MARCO: variants seen among roughly 807,000 people sequenced by gnomAD.
The protein encoded by MARCO is macrophage receptor MARCO.
Under a neutral mutation model 70.0 loss-of-function variants are expected in MARCO, and 72 were observed. The observed-to-expected ratio is 1.03, with a 90% CI of 0.85 to 1.25. The LOEUF is 1.25. Among genes scored for constraint, MARCO ranks in the 50% most tolerant of loss-of-function variants. The pLI, the probability that MARCO is intolerant of heterozygous loss-of-function variation, is 0.00. For synonymous variants in MARCO, 273 were observed against 243.1 expected, an observed-to-expected ratio of 1.12 and a Z score of -1.14; for missense variants, 696 against 659.3, an observed-to-expected ratio of 1.06 and a Z score of -0.61.
chr2:118,989,813 G>A (rs1443482926), intron 12 of MARCO, among the ~76,000 whole-genome samples: 1 of 152,226 alleles, frequency 6.6e-6, no homozygotes, highest in East Asian at 1.9e-4. Context: ...TCCCAAGTTT[G>A]TGTAACTGCC....
intron 1 of MARCO, among the ~76,000 whole-genome samples, chr2:118,946,960 C>G (rs938277349): frequency 5.9e-5 from 9 of 152,126 alleles, no homozygotes; most frequent in Non-Finnish European, 1.3e-4. Flanking sequence ...TATGTATAGC[C>G]TCTTCAGTGA....
rs375472019 is a variant in MARCO at position 118,994,338 on chromosome 2, A to G, written c.1430-49A>G. 22 of 1,611,178 alleles carry G rather than the reference A, an allele frequency of 1.4e-5. No individual in the cohort carries two copies. The African/African-American group carries it at 2.9e-4, about 22-fold the overall frequency. ...GCGCACACGTGGCTTCTTTGCTTTG[A>G]CTCTAATCCTACCCTTCTTCCTCTG... On this transcript the variant is annotated intron_variant, in intron 16 of 16. Transcript: ENST00000327097.
At chr2:118,990,687 C>A (rs1240756534) in intron 13 of MARCO, 54 bp downstream of exon 13, 7 of 1,560,506 alleles carry the variant, frequency 4.5e-6, no homozygotes, top group Non-Finnish European at 6.2e-6. Flanking sequence ...GAAGGCCTGC[C>A]TTCTCAGAGG....
intron 14 of MARCO, 92 bp downstream of exon 14, chr2:118,991,967 T>A: frequency 1.1e-6 from 1 of 925,120 alleles, no homozygotes; most frequent in South Asian, 1.6e-5. Context: ...GTTTTAAGAG[T>A]TCTGGGGATT....
At chr2:118,986,667 AG>A (rs1680504914) in intron 12 of MARCO, among the ~76,000 whole-genome samples, 1 of 55,196 alleles carries the variant, frequency 1.8e-5, no homozygotes, top group African/African-American at 1.1e-4. Flanking sequence ...GAAGGAAGGA[AG>A]GAAGGAAAGA....
chr2:118,994,649 A>C lies in MARCO; in HGVS notation c.*129A>C. The C allele has an allele frequency of 4.0e-4, 344 of 862,518 alleles. No homozygotes were observed. Among genetic ancestry groups the C allele is most frequent in the Non-Finnish European group, 5.4e-4 (311 of 577,114 alleles). The allele number at this position is 862,518 out of a possible 1,614,324, so 53.4% of individuals were successfully genotyped here. On this transcript the variant is annotated 3_prime_UTR_variant, in exon 17 of 17. Transcript: ENST00000327097. Reference sequence around the variant, plus strand: ...TGGAGAGGGGCCATTAATAAAGCTCAACATCATTGGCTGTGGCTGAGTGTC... The same window carrying C: ...TGGAGAGGGGCCATTAATAAAGCTCCACATCATTGGCTGTGGCTGAGTGTC...
Position 118,964,067 on chromosome 2 carries a change from G to A in MARCO, c.98-5093G>A, listed in dbSNP as rs371063048. Among the ~76,000 whole-genome samples, 79 of 151,978 alleles carry A rather than the reference G, an allele frequency of 5.2e-4. No individual in the cohort carries two copies. In the Middle Eastern group the frequency reaches 0.01, roughly 20 times the overall value. ...TTGCAATATACATATGGAACTTATC[G>A]CAGCCTGGCTATTGCAATATACATA... On this transcript the variant is annotated intron_variant, in intron 1 of 16. Coordinates refer to ENST00000327097, the MANE Select transcript of MARCO (RefSeq NM_006770.4).
chr2:118,979,303 G>A (rs1680345529), intron 8 of MARCO, among the ~76,000 whole-genome samples: 1 of 152,198 alleles, frequency 6.6e-6, no homozygotes, highest in Non-Finnish European at 1.5e-5. Flanking sequence ...GAGGAAGAAT[G>A]ATTCAGAACC....
chr2:118,974,212 A>G (rs1438032125), intron 4 of MARCO, 121 bp from the exon 5 acceptor site: 4 of 698,358 alleles, frequency 5.7e-6, no homozygotes, highest in Non-Finnish European at 1.0e-5. Flanking sequence ...CTTTCCACAC[A>G]GTTGGCTCAT....
chr2:118,968,295 C>A (rs1680095012), intron 1 of MARCO, among the ~76,000 whole-genome samples: 2 of 152,128 alleles, frequency 1.3e-5, no homozygotes, highest in Non-Finnish European at 2.9e-5. Context: ...GGAAACAGCT[C>A]ATTAAAAGGG....
At chr2:118,990,728 G>C in intron 13 of MARCO, 95 bp downstream of exon 13, 1 of 1,239,128 alleles carries the variant, frequency 8.1e-7, no homozygotes, top group Non-Finnish European at 1.2e-6. Flanking sequence ...ATGCACAGCT[G>C]TGACCTTCTC....
intron 4 of MARCO, among the ~76,000 whole-genome samples, chr2:118,972,859 G>A (rs1486173795): frequency 6.6e-6 from 1 of 152,156 alleles, no homozygotes; most frequent in Non-Finnish European, 1.5e-5. Context: ...AATGGGTTCA[G>A]TACAACCTTC....
chr2:118,993,187 A>T lies in MARCO; in HGVS notation c.1316A>T (p.Tyr439Phe). The change falls in exon 16 of 17, where the codon TAC becomes TTC. Residue 439 changes from tyrosine (Y) to phenylalanine (F), a missense_variant. Physicochemically the swap from Tyr to Phe is conservative, Grantham distance 22. Transcript: ENST00000327097. Reference sequence around the variant, plus strand: ...AACCGAGGCCGGGCTGAAGTTTACTACAGTGGTACCTGGGGGACAATTTGC... The same window carrying T: ...AACCGAGGCCGGGCTGAAGTTTACTTCAGTGGTACCTGGGGGACAATTTGC... ...SSNRGRAEVY[Y>F]SGTWGTICDD... is the part of the protein sequence containing the mutation. 1.2e-6 allele frequency: 2 copies of T among 1,614,196 alleles called. No homozygotes were observed. The highest frequency in any genetic ancestry group is 1.7e-6 in the Non-Finnish European group (2 of 1,180,022).
intron 2 of MARCO, 78 bp from the exon 3 acceptor site, chr2:118,970,036 T>C: frequency 8.1e-7 from 1 of 1,241,592 alleles, no homozygotes; most frequent in Non-Finnish European, 1.2e-6. Flanking sequence ...GTAGAAGTTA[T>C]GCACACATGA....
chr2:118,987,001 C>A (rs1346070061), intron 12 of MARCO, among the ~76,000 whole-genome samples: 2 of 152,140 alleles, frequency 1.3e-5, no homozygotes, highest in Non-Finnish European at 1.5e-5. Context: ...AGTTTCACAG[C>A]ACTCTGGGTT....
Position 118,974,564 on chromosome 2 carries a change from G to A in MARCO, c.612G>A (p.Ala204=), listed in dbSNP as rs374483780. The change falls in exon 6 of 17, where the codon GCG becomes GCA. Residue 204 remains alanine, a splice_region_variant and synonymous_variant. Transcript: ENST00000327097. ...PQGPPGVKGE[A]GLQGPQGAPG... is the part of the protein sequence containing the mutation. ...GCCCACCGGGAGTCAAGGGAGAGGC[G>A]GGTGAGTAGGTGCTGGGTATGTACC... is the stretch of plus-strand genomic sequence containing the variant. The A allele has an allele frequency of 1.7e-5, 28 of 1,612,696 alleles. No individual in the cohort carries two copies. In the African/African-American group the frequency reaches 2.3e-4, roughly 13 times the overall value.
chr2:118,942,456 G>C, intron 1 of MARCO, 59 bp downstream of exon 1: 1 of 1,352,266 alleles, frequency 7.4e-7, no homozygotes, highest in Non-Finnish European at 1.1e-6. Context: ...CTGCTAGCGA[G>C]ATACGAAAAT....
At chr2:118,975,132 A>G (rs867222880) in intron 6 of MARCO, among the ~76,000 whole-genome samples, 8 of 152,242 alleles carry the variant, frequency 5.3e-5, no homozygotes, top group East Asian at 1.9e-4. Context: ...CTGCCCAGCC[A>G]TCTTATTAAT....
At chr2:118,943,687 G>C (rs1473801044) in intron 1 of MARCO, among the ~76,000 whole-genome samples, 1 of 152,218 alleles carries the variant, frequency 6.6e-6, no homozygotes. Flanking sequence ...AAAGAAGTTA[G>C]TGCCTGGGGC....
Sources: allele counts gnomAD v4.1 joint callset (sites outside exome capture counted in the v4.1 genomes callset), GRCh38; gene constraint gnomAD v4.1.1; transcripts MANE v1.5; gene names NCBI Gene and HGNC (gene_info 2026-07-23, HGNC 2026-07-21).